PARD3B: variants seen among roughly 807,000 people sequenced by gnomAD.
PARD3B encodes the protein partitioning defective 3 homolog B.
Under a neutral mutation model 130.2 loss-of-function variants are expected in PARD3B, and 103 were observed. The observed-to-expected ratio is 0.79, with a 90% confidence interval of 0.67 to 0.93. The LOEUF (loss-of-function observed/expected upper bound fraction) is 0.93. Among genes scored for constraint, PARD3B ranks in the 40% least tolerant of loss-of-function variants. The pLI is 0.00. For synonymous variants in PARD3B, 583 were observed against 553.2 expected, an observed-to-expected ratio of 1.05 and a Z score of -0.76; for missense variants, 1,609 against 1,499.2, an observed-to-expected ratio of 1.07 and a Z score of -1.21.
At chr2:205,423,521 G>A (rs1220103041) in intron 19 of PARD3B, among the ~76,000 whole-genome samples, 1 of 152,174 alleles carries the variant, frequency 6.6e-6, no homozygotes, top group African/African-American at 2.4e-5. Flanking sequence ...CTGGACATGT[G>A]AGAATATTCT....
chr2:205,156,434 AG>A (rs2034173053), intron 10 of PARD3B, among the ~76,000 whole-genome samples: 1 of 151,958 alleles, frequency 6.6e-6, no homozygotes. Context: ...TTAAAAAAAA[AG>A]AAAATGTGTC....
intron 2 of PARD3B, among the ~76,000 whole-genome samples, chr2:204,699,578 T>C (rs904263680): frequency 6.6e-6 from 1 of 151,992 alleles, no homozygotes; most frequent in African/African-American, 2.4e-5. Context: ...GAGATAAATG[T>C]GATGAGTTAG....
intron 14 of PARD3B, 71 bp downstream of exon 14, chr2:205,185,934 C>A: frequency 1.6e-6 from 2 of 1,230,966 alleles, no homozygotes; most frequent in Non-Finnish European, 2.4e-6. Flanking sequence ...CAACCTTATT[C>A]AGCAAACTTA....
chr2:205,245,492 TGTGGAAGA>T (rs2039533900), intron 15 of PARD3B, among the ~76,000 whole-genome samples: 1 of 152,142 alleles, frequency 6.6e-6, no homozygotes, highest in East Asian at 1.9e-4. Context: ...CTCTTGTAAA[TGTGGAAGA>T]AACAACCCAG....
intron 18 of PARD3B, among the ~76,000 whole-genome samples, chr2:205,332,734 G>A (rs115230132): frequency 0.016 from 2,404 of 152,186 alleles, 58 homozygotes; most frequent in African/African-American, 0.054. Flanking sequence ...AGGGTGCAGA[G>A]AGCTCTCCCT....
intron 22 of PARD3B, among the ~76,000 whole-genome samples, chr2:205,594,719 T>G (rs2054508042): frequency 6.6e-6 from 1 of 152,198 alleles, no homozygotes; most frequent in Non-Finnish European, 1.5e-5. Flanking sequence ...CTGAAAATTT[T>G]TTAAACAGTG....
chr2:204,795,615 A>T (rs1180931460), intron 2 of PARD3B, among the ~76,000 whole-genome samples: 1 of 152,228 alleles, frequency 6.6e-6, no homozygotes, highest in Non-Finnish European at 1.5e-5. Context: ...CCAAAGATGG[A>T]CATTCTAAAG....
At chr2:205,606,523 C>T (rs1321538694) in intron 22 of PARD3B, among the ~76,000 whole-genome samples, 1 of 152,036 alleles carries the variant, frequency 6.6e-6, no homozygotes, top group Non-Finnish European at 1.5e-5. Context: ...CAGTGGGAGC[C>T]TCCGACCACA....
At chr2:205,361,030 G>A (rs769039928) in intron 18 of PARD3B, among the ~76,000 whole-genome samples, 5 of 151,578 alleles carry the variant, frequency 3.3e-5, no homozygotes, top group African/African-American at 7.3e-5. Flanking sequence ...CACATGCTCC[G>A]TTTTGCAGAT....
intron 2 of PARD3B, among the ~76,000 whole-genome samples, chr2:204,952,151 ATAT>A (rs1689828555): frequency 6.6e-6 from 1 of 152,246 alleles, no homozygotes; most frequent in South Asian, 2.1e-4. Context: ...AGTAATGGAC[ATAT>A]TATATGAAAT....
intron 22 of PARD3B, among the ~76,000 whole-genome samples, chr2:205,613,539 G>C (rs1004324691): frequency 6.6e-6 from 1 of 152,214 alleles, no homozygotes; most frequent in Non-Finnish European, 1.5e-5. Context: ...CCCATGGCTA[G>C]AGTGACAGAT....
At chr2:204,902,436 G>A (rs890769679) in intron 2 of PARD3B, among the ~76,000 whole-genome samples, 5 of 152,030 alleles carry the variant, frequency 3.3e-5, no homozygotes, top group Admixed American at 1.3e-4. Flanking sequence ...TTGGGAGGCC[G>A]AAGCGGGCGG....
chr2:204,681,276 G>A (rs1243014545), intron 1 of PARD3B, among the ~76,000 whole-genome samples: 1 of 152,022 alleles, frequency 6.6e-6, no homozygotes, highest in African/African-American at 2.4e-5. Flanking sequence ...TAGATTTTTA[G>A]ATCTGGAAGT....
chr2:204,579,493 G>A (rs1207360295), intron 1 of PARD3B, among the ~76,000 whole-genome samples: 1 of 152,144 alleles, frequency 6.6e-6, no homozygotes, highest in Non-Finnish European at 1.5e-5. Flanking sequence ...GAAGTAAGTT[G>A]GGGCTTCATC....
chr2:205,249,315 T>A (rs1042052085), intron 16 of PARD3B, among the ~76,000 whole-genome samples: 3 of 151,906 alleles, frequency 2.0e-5, no homozygotes, highest in Non-Finnish European at 4.4e-5. Flanking sequence ...CTGACCTAAA[T>A]CTATCATCCA....
At chr2:205,416,916 C>A (rs2046794320) in intron 19 of PARD3B, among the ~76,000 whole-genome samples, 2 of 151,878 alleles carry the variant, frequency 1.3e-5, no homozygotes, top group South Asian at 4.1e-4. Flanking sequence ...AACAACTGAA[C>A]CTTTCTTTTC....
intron 2 of PARD3B, among the ~76,000 whole-genome samples, chr2:204,833,690 A>G (rs191218445): frequency 5.7e-4 from 87 of 152,240 alleles, no homozygotes; most frequent in Non-Finnish European, 1.1e-3. Context: ...CATGTAAGAC[A>G]TGCCTTTTGC....
intron 2 of PARD3B, among the ~76,000 whole-genome samples, chr2:204,952,091 G>A (rs1165431390): frequency 1.3e-5 from 2 of 152,146 alleles, no homozygotes; most frequent in Admixed American, 6.5e-5. Context: ...GAGTCTTTAA[G>A]CACATGAAAG....
intron 2 of PARD3B, among the ~76,000 whole-genome samples, chr2:204,827,313 T>C (rs2043622899): frequency 6.6e-6 from 1 of 152,194 alleles, no homozygotes. Context: ...GAAATTACAA[T>C]ACTTGGAGAA....
Sources: gnomAD v4.1 joint callset for allele counts (sites outside exome capture counted in the v4.1 genomes callset) on GRCh38, gnomAD v4.1.1 for gene constraint, MANE v1.5 for transcripts, NCBI Gene and HGNC (gene_info 2026-07-23, HGNC 2026-07-21) for gene names.